PLAGL1: variants seen among roughly 807,000 people sequenced by gnomAD.
PLAGL1 encodes the protein PLAG1 like zinc finger 1.
PLAGL1 carries 1 observed loss-of-function variant against 4.6 expected under a neutral mutation model. The ratio of observed to expected loss-of-function variants is 0.22; its 90% confidence interval spans 0.08 to 1.03. PLAGL1 has a LOEUF of 1.03. Ranked by LOEUF, PLAGL1 falls within the 50% of genes least tolerant of loss-of-function variation. The probability of loss-of-function intolerance (pLI) is 0.58; values close to 1 mark genes in which losing one functional copy is unlikely to be tolerated. For synonymous variants in PLAGL1, 240 were observed against 237.8 expected, an observed-to-expected ratio of 1.01 and a Z score of -0.08; for missense variants, 464 against 570.4, an observed-to-expected ratio of 0.81 and a Z score of 1.90.
chr6:143,977,352 A>G (rs760925172), intron 2 of PLAGL1, among the ~76,000 whole-genome samples: 5 of 151,464 alleles, frequency 3.3e-5, no homozygotes, highest in Non-Finnish European at 5.9e-5. Context: ...ATTATATAGT[A>G]TGCAGCCTTT....
chr6:143,955,377 G>T lies in PLAGL1; in HGVS notation c.-325+5092C>A, dbSNP rs1781907409. 6.6e-6 allele frequency among the ~76,000 whole-genome samples: 1 copy of T among 152,182 alleles called. No individual in the cohort carries two copies. Among genetic ancestry groups the T allele is most frequent in the Non-Finnish European group, 1.5e-5 (1 of 68,030 alleles). On this transcript the variant is annotated intron_variant, in intron 6 of 7. Transcript: ENST00000674357. This position sits in a 1 kb window ranked among gnomAD's most constrained non-coding sequence, Gnocchi z 4.9. ...CTAGAGAGATGGAGAATCGTGAAGG[G>T]TCCACTCTACAAGGGGAAGGTGGGC...
chr6:144,024,608 C>G (rs1284933203), intron 1 of PLAGL1, among the ~76,000 whole-genome samples: 1 of 152,172 alleles, frequency 6.6e-6, no homozygotes, highest in African/African-American at 2.4e-5. Flanking sequence ...AATCTCTTTC[C>G]TTTATAAATT....
intron 1 of PLAGL1, among the ~76,000 whole-genome samples, chr6:144,026,732 C>T (rs1260963194): frequency 6.6e-6 from 1 of 152,184 alleles, no homozygotes; most frequent in East Asian, 1.9e-4. Context: ...TTCACAAGAA[C>T]ACAGTACTGC....
chr6:143,942,341 C>T lies in PLAGL1; in HGVS notation c.475G>A (p.Asp159Asn), dbSNP rs780599925. 19 of 1,613,996 alleles carry T rather than the reference C, an allele frequency of 1.2e-5. No homozygotes were observed. Among genetic ancestry groups the T allele is most frequent in the Admixed American group, 1.7e-5 (1 of 60,010 alleles). Residue 159 changes from aspartate to asparagine, a missense_variant, in exon 8 of 8, where the codon GAC (aspartate) becomes AAC (asparagine). Transcript: ENST00000674357. This position sits in a 1 kb window ranked among gnomAD's most constrained non-coding sequence, Gnocchi z 7.6. ...GTGTAGAAGCATCTTTCACAGTGGT[C>T]GCACTGGTGCTTCTTTTCCTTGGTT... The part of the protein sequence containing the change: ...SGTKEKKHQC[D>N]HCERCFYTRK...
At chr6:144,044,461 G>T (rs147047008) in intron 1 of PLAGL1, among the ~76,000 whole-genome samples, 10 of 152,178 alleles carry the variant, frequency 6.6e-5, no homozygotes, top group African/African-American at 1.2e-4. Flanking sequence ...GGAGCAGGTT[G>T]TTCAGTTTCC....
intron 1 of PLAGL1, among the ~76,000 whole-genome samples, chr6:144,020,628 T>C (rs1268627503): frequency 6.6e-6 from 1 of 151,474 alleles, no homozygotes; most frequent in African/African-American, 2.4e-5. Flanking sequence ...TTATTTATTT[T>C]AGAGACAAGG....
At chr6:144,030,447 CT>C (rs1319386012) in intron 1 of PLAGL1, among the ~76,000 whole-genome samples, 1 of 151,994 alleles carries the variant, frequency 6.6e-6, no homozygotes, top group Non-Finnish European at 1.5e-5. Context: ...CACCCATCAC[CT>C]GAGCAGTGTA....
rs1784529514 is a variant in PLAGL1 at position 143,966,911 on chromosome 6, T to C, written c.-471-713A>G. The C allele has an allele frequency of 6.6e-6, 1 of 152,226 alleles. No individual in the cohort carries two copies. Among genetic ancestry groups the C allele is most frequent in the African/African-American group, 2.4e-5 (1 of 41,462 alleles). The allele number at this position is 152,226 out of a possible 1,614,324, so 9.4% of individuals were successfully genotyped here. The stretch of plus-strand genomic sequence containing the variant: ...GATATTCCTTAGATAATACATTTTC[T>C]TACCTAAAAGTGGTACAATAATGGG... On this transcript the variant is annotated intron_variant, in intron 3 of 7. Transcript: ENST00000674357. The surrounding 1 kb of genome is among the most constrained non-coding windows in gnomAD (Gnocchi z 6.0).
chr6:144,042,709 A>G (rs1797834467), intron 1 of PLAGL1, among the ~76,000 whole-genome samples: 1 of 152,182 alleles, frequency 6.6e-6, no homozygotes, highest in Non-Finnish European at 1.5e-5. Context: ...AATTCTGTGA[A>G]GAAAGTCATT....
At chr6:144,054,302 T>C (rs745889614) in intron 1 of PLAGL1, among the ~76,000 whole-genome samples, 22 of 152,378 alleles carry the variant, frequency 1.4e-4, no homozygotes, top group Admixed American at 1.3e-3. Flanking sequence ...GTGTGTCGTA[T>C]GTTTATTGCA....
chr6:144,015,304 A>G lies in PLAGL1; in HGVS notation c.-150-46326T>C, dbSNP rs1435412381. Among the ~76,000 whole-genome samples the G allele has an allele frequency of 3.3e-5, 5 of 152,248 alleles. No individual in the cohort carries two copies. The highest frequency in any genetic ancestry group is 1.2e-4 in the African/African-American group (5 of 41,468). Reference sequence around the variant, plus strand: ...TAAAACGTGGCTACTGGAACATTTTAAATTACCTATCTAGCTTACATGATA... The same window carrying G: ...TAAAACGTGGCTACTGGAACATTTTGAATTACCTATCTAGCTTACATGATA... On this transcript the variant is annotated intron_variant, in intron 1 of 3. Coordinates refer to the PLAGL1 transcript ENST00000437412. This position sits in a 1 kb window ranked among gnomAD's most constrained non-coding sequence, Gnocchi z 4.3.
chr6:143,943,046 T>TTTTTTTTTTA (rs1331966664), intron 7 of PLAGL1, among the ~76,000 whole-genome samples: 169 of 145,234 alleles, frequency 1.2e-3, no homozygotes, highest in African/African-American at 4.1e-3. Context: ...TTTTTTTTTT[T>TTTTTTTTTTA]TTTTGAGACA....
At position 143,942,740 on chromosome 6, in the gene PLAGL1, CA is replaced by C; in HGVS notation, c.153-78del. 2 of 1,056,450 alleles carry C rather than the reference CA, an allele frequency of 1.9e-6. No individual in the cohort carries two copies. The allele number at this position is 1,056,450 out of a possible 1,614,324, so 65.4% of individuals were successfully genotyped here. On this transcript the variant is annotated intron_variant, in intron 7 of 7. Coordinates refer to ENST00000674357, the MANE Select transcript of PLAGL1 (RefSeq NM_001317162.2). This position sits in a 1 kb window ranked among gnomAD's most constrained non-coding sequence, Gnocchi z 7.6. Reference sequence around the variant, plus strand: ...GAAAGGTGTAGCAACAATATTATATCAAAATGTTAATAGTTTTCTCTGGGTC... The same window carrying C: ...GAAAGGTGTAGCAACAATATTATATCAAATGTTAATAGTTTTCTCTGGGTC...
At position 144,000,987 on chromosome 6, in the gene PLAGL1, G is replaced by A. The variant is rs1166212138; in HGVS notation, c.-584+7103C>T. Among the ~76,000 whole-genome samples the A allele has an allele frequency of 6.6e-6, 1 of 152,048 alleles. No individual in the cohort carries two copies. The highest frequency in any genetic ancestry group is 2.4e-5 in the African/African-American group (1 of 41,428). ...CATATAACTCCTAGCTCTGTCCACA[G>A]AGGGCCAAGAAACAGTATCATCTCA... On this transcript the variant is annotated intron_variant, in intron 1 of 7. Coordinates refer to ENST00000674357, the MANE Select transcript of PLAGL1 (RefSeq NM_001317162.2). This position sits in a 1 kb window ranked among gnomAD's most constrained non-coding sequence, Gnocchi z 4.1.
intron 1 of PLAGL1, among the ~76,000 whole-genome samples, chr6:144,002,676 C>T (rs542898713): frequency 6.6e-6 from 1 of 151,860 alleles, no homozygotes; most frequent in African/African-American, 2.4e-5. Context: ...AAAACTCCAC[C>T]ACTTACAACA....
intron 1 of PLAGL1, among the ~76,000 whole-genome samples, chr6:144,030,934 C>T (rs1796777196): frequency 2.0e-5 from 3 of 152,192 alleles, no homozygotes; most frequent in African/African-American, 7.2e-5. Context: ...TAAGGAATCT[C>T]CACAGTGTTT....
In PLAGL1 at chr6:143,941,368, T is replaced by C; in HGVS notation, c.*56A>G. Reference sequence around the variant, plus strand: ...ATCTTTCTCATATTGTAACTGACATTTAAAATGCTTCTTAAAACATCTTCC... The same window carrying C: ...ATCTTTCTCATATTGTAACTGACATCTAAAATGCTTCTTAAAACATCTTCC... On this transcript the variant is annotated 3_prime_UTR_variant, in exon 8 of 8. Transcript: ENST00000674357. This position sits in a 1 kb window ranked among gnomAD's most constrained non-coding sequence, Gnocchi z 6.0. 7.3e-7 allele frequency: 1 copy of C among 1,365,694 alleles called. No individual in the cohort carries two copies. The highest frequency in any genetic ancestry group is 1.6e-5 in the South Asian group (1 of 64,336). 84.6% of individuals were successfully genotyped at this position (1,365,694 alleles called of 1,614,324 possible). A position where few individuals can be genotyped will look rare whatever the true frequency, so the allele number is the denominator to read the frequency against.
At chr6:144,062,244 G>A (rs1198107405) in intron 1 of PLAGL1, among the ~76,000 whole-genome samples, 1 of 151,972 alleles carries the variant, frequency 6.6e-6, no homozygotes, top group Non-Finnish European at 1.5e-5. Flanking sequence ...AGGTGAGGAG[G>A]CACGCGCCTG....
At position 143,984,281 on chromosome 6, in the gene PLAGL1, C is replaced by T. The variant is rs566134869; in HGVS notation, c.-544+854G>A. On this transcript the variant is annotated intron_variant, in intron 2 of 7. Coordinates refer to ENST00000674357, the MANE Select transcript of PLAGL1 (RefSeq NM_001317162.2). This position sits in a 1 kb window ranked among gnomAD's most constrained non-coding sequence, Gnocchi z 5.5. ...CTAAAGCAAAATTTCTCAAACTTTT[C>T]TGTGGAGCACCAGTTCAATGGTATA... 6.6e-6 allele frequency among the ~76,000 whole-genome samples: 1 copy of T among 152,182 alleles called. No homozygotes were observed. The highest frequency in any genetic ancestry group is 1.5e-5 in the Non-Finnish European group (1 of 67,978).
Sources: allele counts gnomAD v4.1 joint callset (sites outside exome capture counted in the v4.1 genomes callset), GRCh38; gene constraint gnomAD v4.1.1; non-coding constraint Gnocchi (gnomAD v3.1); transcripts MANE v1.5; gene names NCBI Gene and HGNC (gene_info 2026-07-23, HGNC 2026-07-21).